Variants in GALNT13 observed in about 807,000 individuals in gnomAD.
The protein encoded by GALNT13 is polypeptide N-acetylgalactosaminyltransferase 13.
A neutral mutation model predicts 64.2 loss-of-function variants in GALNT13; 28 were observed. The observed-to-expected ratio is 0.44, with a 90% CI of 0.32 to 0.60. The LOEUF is 0.60. Ranked by LOEUF, GALNT13 falls within the 20% of genes least tolerant of loss-of-function variation. The probability of loss-of-function intolerance (pLI) is 0.05; values close to 1 mark genes in which losing one functional copy is unlikely to be tolerated. For synonymous variants in GALNT13, 214 were observed against 224.6 expected (o/e 0.95, Z 0.42); for missense variants, 577 against 669.8 (o/e 0.86, Z 1.53).
chr2:154,337,448 CTT>C (rs978903897), intron 9 of GALNT13, among the ~76,000 whole-genome samples: 1 of 151,908 alleles, frequency 6.6e-6, no homozygotes, highest in African/African-American at 2.4e-5. Flanking sequence ...AAATAATTGA[CTT>C]TGTTACATCT....
chr2:153,698,368 T>A, the GALNT13 span, among the ~76,000 whole-genome samples: 1 of 151,662 alleles, frequency 6.6e-6, no homozygotes, highest in Admixed American at 6.6e-5. Context: ...TGCAAAGACA[T>A]ACATAGGCTC....
intron 11 of GALNT13, among the ~76,000 whole-genome samples, chr2:154,424,635 T>C (rs1327025065): frequency 2.0e-5 from 3 of 152,112 alleles, no homozygotes; most frequent in African/African-American, 7.2e-5. Flanking sequence ...TGTATAAATA[T>C]CTCAGCCCTG....
the GALNT13 span, among the ~76,000 whole-genome samples, chr2:153,773,846 A>C: frequency 1.3e-5 from 2 of 152,110 alleles, no homozygotes; most frequent in African/African-American, 2.4e-5. Flanking sequence ...TCTCTTTTTA[A>C]CTTTAACTTT....
intron 9 of GALNT13, among the ~76,000 whole-genome samples, chr2:154,344,681 C>A (rs149623245): frequency 1.3e-5 from 2 of 152,066 alleles, no homozygotes; most frequent in Admixed American, 1.3e-4. Context: ...TTAAATGATA[C>A]AATCTTGCAA....
At chr2:153,866,337 T>C in the GALNT13 span, among the ~76,000 whole-genome samples, 113 of 152,274 alleles carry the variant, frequency 7.4e-4, no homozygotes, top group Non-Finnish European at 1.2e-3. Context: ...GTTGGATTTA[T>C]TTATCCATTC....
chr2:153,607,860 C>G, the GALNT13 span, among the ~76,000 whole-genome samples: 1 of 152,026 alleles, frequency 6.6e-6, no homozygotes. Context: ...TAATTTAATG[C>G]CATTATTTAA....
chr2:154,299,623 T>G (rs1693306996), intron 8 of GALNT13, among the ~76,000 whole-genome samples: 1 of 8,380 alleles, frequency 1.2e-4, no homozygotes, highest in East Asian at 8.1e-3. Flanking sequence ...CCTGGCTAAT[T>G]TTTTTTTTTT....
At chr2:153,908,862 C>T (rs964300543) in intron 2 of GALNT13, among the ~76,000 whole-genome samples, 3 of 151,754 alleles carry the variant, frequency 2.0e-5, no homozygotes, top group Non-Finnish European at 4.4e-5. Context: ...AGATATCTTG[C>T]CTTGGATATT....
At chr2:153,487,932 TA>T in the GALNT13 span, among the ~76,000 whole-genome samples, 2 of 152,236 alleles carry the variant, frequency 1.3e-5, no homozygotes, top group African/African-American at 2.4e-5. Flanking sequence ...AGCAGCAGAC[TA>T]AAAAAAGTCA....
the GALNT13 span, among the ~76,000 whole-genome samples, chr2:153,337,295 T>C: frequency 3.9e-5 from 6 of 152,246 alleles, no homozygotes; most frequent in Non-Finnish European, 7.3e-5. Context: ...CTAGCAAATC[T>C]ACCATTGCTC....
the GALNT13 span, among the ~76,000 whole-genome samples, chr2:153,310,321 G>A: frequency 1.3e-5 from 2 of 151,954 alleles, no homozygotes; most frequent in African/African-American, 2.4e-5. Flanking sequence ...ATGCATATAA[G>A]CTTAACTTGG....
At chr2:154,025,523 A>G (rs1047827692) in intron 3 of GALNT13, among the ~76,000 whole-genome samples, 3 of 133,574 alleles carry the variant, frequency 2.2e-5, no homozygotes, top group Non-Finnish European at 4.8e-5. Flanking sequence ...TTTTTATGTA[A>G]CAAAATGAAG....
chr2:154,075,230 A>G (rs1282659515), intron 3 of GALNT13, among the ~76,000 whole-genome samples: 1 of 151,814 alleles, frequency 6.6e-6, no homozygotes, highest in Non-Finnish European at 1.5e-5. Flanking sequence ...CAATTTACCT[A>G]TATTAGAAAC....
the GALNT13 span, among the ~76,000 whole-genome samples, chr2:153,618,410 T>A: frequency 1.3e-5 from 2 of 151,916 alleles, no homozygotes; most frequent in South Asian, 4.1e-4. Context: ...TCCTTTTTTT[T>A]AATGTATTAA....
At chr2:153,418,697 A>T in the GALNT13 span, among the ~76,000 whole-genome samples, 2 of 152,114 alleles carry the variant, frequency 1.3e-5, no homozygotes, top group Admixed American at 1.3e-4. Flanking sequence ...ATTGGCTTCG[A>T]GAGAGTGGAG....
chr2:154,121,595 A>C (rs906500202), intron 3 of GALNT13, among the ~76,000 whole-genome samples: 1 of 152,208 alleles, frequency 6.6e-6, no homozygotes, highest in African/African-American at 2.4e-5. Flanking sequence ...TTAATTGTTA[A>C]ATATTAAGAG....
At chr2:153,260,466 A>G in the GALNT13 span, among the ~76,000 whole-genome samples, 2 of 152,132 alleles carry the variant, frequency 1.3e-5, no homozygotes, top group Non-Finnish European at 2.9e-5. Context: ...TGTTCACTGG[A>G]TATACTATTC....
the GALNT13 span, among the ~76,000 whole-genome samples, chr2:153,858,175 G>A: frequency 6.6e-6 from 1 of 152,136 alleles, no homozygotes; most frequent in Admixed American, 6.5e-5. Flanking sequence ...CTTGAATGAA[G>A]AGCAACTATA....
intron 9 of GALNT13, among the ~76,000 whole-genome samples, chr2:154,390,350 G>C (rs1392506639): frequency 3.9e-5 from 6 of 152,114 alleles, no homozygotes; most frequent in Admixed American, 3.9e-4. Flanking sequence ...GTACCCATTA[G>C]TTATTTTTCC....
Sources: gnomAD v4.1 joint callset for allele counts (sites outside exome capture counted in the v4.1 genomes callset) on GRCh38, gnomAD v4.1.1 for gene constraint, MANE v1.5 for transcripts, NCBI Gene and HGNC (gene_info 2026-07-23, HGNC 2026-07-21) for gene names.